LINGO1: variants seen among roughly 807,000 people sequenced by gnomAD.
The protein encoded by LINGO1 is leucine rich repeat and Ig domain containing 1, also known as leucine-rich repeat and immunoglobulin-like domain-containing nogo receptor-interacting protein 1.
LINGO1 carries 11 observed loss-of-function variants against 37.3 expected under a neutral mutation model. The ratio of observed to expected loss-of-function variants is 0.29; its 90% CI spans 0.19 to 0.49. The LOEUF (loss-of-function observed/expected upper bound fraction) is 0.49, where lower values mean the gene tolerates loss of function less well. LINGO1 is among the 20% of genes least tolerant of loss of function. The pLI is 0.99. For missense variants in LINGO1, 585 were observed against 878.2 expected (o/e 0.67, Z 4.22); for synonymous variants, 387 against 403.0 (o/e 0.96, Z 0.48).
intron 1 of LINGO1, among the ~76,000 whole-genome samples, chr15:77,622,787 C>T (rs2073964322): frequency 6.6e-6 from 1 of 152,200 alleles, no homozygotes; most frequent in African/African-American, 2.4e-5. Flanking sequence ...TCGCAGCGGC[C>T]AACCATCCGT....
chr15:77,746,012 C>G (rs1328116074), intron 1 of LINGO1, among the ~76,000 whole-genome samples: 3 of 151,784 alleles, frequency 2.0e-5, no homozygotes. Flanking sequence ...GAGTTCAAGA[C>G]CAGCCTGGGC....
intron 1 of LINGO1, among the ~76,000 whole-genome samples, chr15:77,805,703 C>A (rs2076953962): frequency 6.6e-6 from 1 of 152,202 alleles, no homozygotes; most frequent in African/African-American, 2.4e-5. Context: ...TTGCATCACA[C>A]CCAGCCAGCT....
intron 1 of LINGO1, among the ~76,000 whole-genome samples, chr15:77,772,784 C>T (rs543448433): frequency 6.6e-6 from 1 of 152,188 alleles, no homozygotes; most frequent in Non-Finnish European, 1.5e-5. Flanking sequence ...TCTTTCCCCC[C>T]ACCTCCAGCT....
chr15:77,760,934 TTTTTTTTTTG>T (rs1567568724), intron 1 of LINGO1, among the ~76,000 whole-genome samples: 5 of 83,760 alleles, frequency 6.0e-5, no homozygotes, highest in Admixed American at 1.5e-4. Context: ...TTTTTTTTTT[TTTTTTTTTTG>T]GAGACAAGGT....
intron 3 of LINGO1, among the ~76,000 whole-genome samples, chr15:77,650,167 G>A (rs565456932): frequency 2.0e-5 from 3 of 152,344 alleles, no homozygotes; most frequent in African/African-American, 7.2e-5. Flanking sequence ...ACAGGCACTG[G>A]GGTGGCCGAT....
At chr15:77,819,160 CCAAT>C (rs1332336517) in intron 1 of LINGO1, 18 of 149,396 alleles carry the variant, frequency 1.2e-4, no homozygotes, top group Admixed American at 8.6e-4. Context: ...AGGCTCCCGC[CCAAT>C]CAGAGGCCGC....
chr15:77,614,485 G>T lies in LINGO1; in HGVS notation c.1422C>A (p.Leu474=). ...HLVSAKSNGR[L]TVFPDGTLEV... ...CCAGCGTGCCATCAGGGAAGACTGTGAGCCGCCCATTGCTCTTGGCTGAGA... is the reference window on the plus strand; with the variant it reads ...CCAGCGTGCCATCAGGGAAGACTGTTAGCCGCCCATTGCTCTTGGCTGAGA... The change falls in exon 2 of 2, where the codon CTC becomes CTA. Residue 474 remains leucine (L), a synonymous_variant. Coordinates refer to ENST00000355300, the MANE Select transcript of LINGO1 (RefSeq NM_032808.7). The T allele has an allele frequency of 6.2e-7, 1 of 1,610,472 alleles. No homozygotes were observed. Among genetic ancestry groups the T allele is most frequent in the Non-Finnish European group, 8.5e-7 (1 of 1,179,748 alleles).
intron 1 of LINGO1, among the ~76,000 whole-genome samples, chr15:77,738,027 A>T (rs1264504590): frequency 6.6e-6 from 1 of 151,916 alleles, no homozygotes; most frequent in Non-Finnish European, 1.5e-5. Context: ...CCAAAACAGA[A>T]CTCTTCATTT....
chr15:77,664,164 T>TGCGCGC (rs1161696784), intron 3 of LINGO1, among the ~76,000 whole-genome samples: 12 of 107,966 alleles, frequency 1.1e-4, no homozygotes, highest in South Asian at 5.0e-4. Context: ...TGTGTGTGTG[T>TGCGCGC]GTGTGTGCGC....
chr15:77,615,540 T>A lies in LINGO1; in HGVS notation c.367A>T (p.Thr123Ser). 1.9e-6 allele frequency: 3 copies of A among 1,613,560 alleles called. No homozygotes were observed. In the South Asian group the frequency reaches 3.3e-5, roughly 18 times the overall value. ...AGGCGGTTGCTGCGGAGACCCAGCG[T>A]CCGGAGGTTGAAGAGGTTGTTGAAG... ...GAFNNLFNLR[T>S]LGLRSNRLKL... is the part of the protein sequence containing the mutation. The change falls in exon 2 of 2, where the codon ACG (threonine) becomes TCG (serine). Residue 123 changes from threonine to serine, a missense_variant. By Grantham distance (58) the Thr-to-Ser change is moderately conservative. Around this residue, in one of 4 missense-constraint regions of LINGO1, gnomAD observed 484 missense variants for 735.0 expected, o/e 0.66. Transcript: ENST00000355300.
intron 1 of LINGO1, among the ~76,000 whole-genome samples, chr15:77,618,238 G>A (rs2073796137): frequency 6.6e-6 from 1 of 152,234 alleles, no homozygotes; most frequent in African/African-American, 2.4e-5. Context: ...ACCCCGAGGT[G>A]CTGGTAAGCC....
At chr15:77,802,017 C>CTT (rs1175833233) in intron 1 of LINGO1, among the ~76,000 whole-genome samples, 2 of 152,062 alleles carry the variant, frequency 1.3e-5, no homozygotes, top group African/African-American at 4.8e-5. Flanking sequence ...GCAGAAAACT[C>CTT]CAGGAAAGGG....
At chr15:77,656,394 A>C (rs936141251) in intron 3 of LINGO1, among the ~76,000 whole-genome samples, 3 of 152,116 alleles carry the variant, frequency 2.0e-5, no homozygotes, top group Non-Finnish European at 4.4e-5. Context: ...ACACAGAGAA[A>C]TGGGATTCAG....
rs550252252 is a variant in LINGO1, at chr15:77,807,316, G to A, written c.-457-11263C>T. Among the ~76,000 whole-genome samples the A allele has an allele frequency of 9.2e-5, 14 of 152,270 alleles. No individual in the cohort carries two copies. In the South Asian group the frequency reaches 2.7e-3, roughly 29 times the overall value. On this transcript the variant is annotated intron_variant, in intron 1 of 5. Transcript: ENST00000562933. ...AGCTCTCCTGGGCAGGGGCTGCTTC[G>A]GATTCATCCTGTGCATTCCCAGTGC...
chr15:77,793,369 C>T (rs2076833096), intron 2 of LINGO1, among the ~76,000 whole-genome samples: 1 of 152,206 alleles, frequency 6.6e-6, no homozygotes, highest in Non-Finnish European at 1.5e-5. Flanking sequence ...GAAGCAGGGG[C>T]AGCAAGGACA....
At chr15:77,818,306 G>C (rs1290614318) in intron 1 of LINGO1, among the ~76,000 whole-genome samples, 1 of 152,224 alleles carries the variant, frequency 6.6e-6, no homozygotes, top group African/African-American at 2.4e-5. Context: ...TTGGACCACA[G>C]CTTTCCATCC....
chr15:77,621,898 G>A (rs2073933765), intron 1 of LINGO1, among the ~76,000 whole-genome samples: 1 of 152,196 alleles, frequency 6.6e-6, no homozygotes, highest in East Asian at 1.9e-4. Flanking sequence ...TCGGGGACCA[G>A]GGGGACCCCC....
chr15:77,752,618 T>C (rs1328929913), intron 1 of LINGO1, among the ~76,000 whole-genome samples: 1 of 152,196 alleles, frequency 6.6e-6, no homozygotes, highest in Non-Finnish European at 1.5e-5. Flanking sequence ...CCACAGCTTA[T>C]TGTCACTTCC....
At chr15:77,661,768 CAG>C (rs1388943601) in intron 3 of LINGO1, among the ~76,000 whole-genome samples, 1 of 152,220 alleles carries the variant, frequency 6.6e-6, no homozygotes, top group Non-Finnish European at 1.5e-5. Context: ...CCTGAGCAAA[CAG>C]AGACAGCATG....
Sources: allele counts gnomAD v4.1 joint callset (sites outside exome capture counted in the v4.1 genomes callset), GRCh38; gene constraint gnomAD v4.1.1; regional missense constraint gnomAD v4.1.1; transcripts MANE v1.5; gene names NCBI Gene and HGNC (gene_info 2026-07-23, HGNC 2026-07-21).